Variants in RECK observed in about 807,000 individuals in gnomAD.
RECK encodes reversion inducing cysteine rich protein with kazal motifs.
RECK carries 69 observed loss-of-function variants against 115.1 expected under a neutral mutation model. The observed-to-expected ratio is 0.60, with a 90% CI of 0.49 to 0.73. RECK has a LOEUF of 0.73. Among genes scored for constraint, RECK ranks in the 30% least tolerant of loss-of-function variants. The pLI, the probability that RECK is intolerant of heterozygous loss-of-function variation, is 0.00. For missense variants in RECK, 1,047 were observed against 1,203.7 expected (o/e 0.87, Z 1.93); for synonymous variants, 414 against 419.7 (o/e 0.99, Z 0.17).
At chr9:36,039,772 G>A (rs1310975236) in intron 1 of RECK, among the ~76,000 whole-genome samples, 1 of 152,196 alleles carries the variant, frequency 6.6e-6, no homozygotes, top group African/African-American at 2.4e-5. Flanking sequence ...AGAAAGTAAT[G>A]AATTTTAAGT....
At chr9:36,096,923 T>TACACACAC (rs3070850) in intron 10 of RECK, among the ~76,000 whole-genome samples, 52 of 150,502 alleles carry the variant, frequency 3.5e-4, no homozygotes, top group Admixed American at 1.2e-3. Flanking sequence ...GGTGTGTGCA[T>TACACACAC]ACACACACAC....
In RECK at chr9:36,108,122, A is replaced by G. The variant is rs1351828126; in HGVS notation, c.1723A>G (p.Ile575Val). 19 of 1,609,072 alleles carry G rather than the reference A, an allele frequency of 1.2e-5. No individual in the cohort carries two copies. The highest frequency in any genetic ancestry group is 1.6e-5 in the Non-Finnish European group (19 of 1,178,776). ...AGAAAACTGTATGGAAATGCACTGT[A>G]TAGACCTCCAGAAGTCTTGTATTGT... ...LLENCMEMHC[I>V]DLQKSCIVGG... Residue 575 changes from isoleucine (I) to valine (V), a missense_variant, in exon 14 of 21, where the codon ATA becomes GTA. Transcript: ENST00000377966.
chr9:36,044,461 C>T (rs1216258978), intron 1 of RECK, among the ~76,000 whole-genome samples: 1 of 152,028 alleles, frequency 6.6e-6, no homozygotes, highest in East Asian at 1.9e-4. Context: ...ATTTGGATGC[C>T]CTTGATTTCT....
chr9:36,085,862 G>A (rs1183362881), intron 8 of RECK: 1 of 152,070 alleles, frequency 6.6e-6, no homozygotes, highest in African/African-American at 2.4e-5. Context: ...CAAAATCAGA[G>A]GATGAAGCAT....
intron 6 of RECK, among the ~76,000 whole-genome samples, chr9:36,069,832 C>T (rs1245467759): frequency 6.6e-6 from 1 of 152,140 alleles, no homozygotes; most frequent in Non-Finnish European, 1.5e-5. Context: ...AGACAGACAT[C>T]ATAGCCAAAG....
At chr9:36,109,894 G>T in intron 14 of RECK, 63 bp from the exon 15 acceptor site, 7 of 1,369,828 alleles carry the variant, frequency 5.1e-6, no homozygotes, top group Non-Finnish European at 7.1e-6. Flanking sequence ...TATTAAAATT[G>T]TAATACGTGC....
intron 1 of RECK, among the ~76,000 whole-genome samples, chr9:36,040,380 G>A (rs1820828000): frequency 6.6e-6 from 1 of 152,122 alleles, no homozygotes; most frequent in Non-Finnish European, 1.5e-5. Flanking sequence ...GTGGTGGGTA[G>A]TCTTATGAAA....
At chr9:36,105,029 C>T in intron 12 of RECK, 114 bp from the exon 13 acceptor site, 2 of 762,792 alleles carry the variant, frequency 2.6e-6, no homozygotes. Context: ...AGAATCAGGC[C>T]TTACTTTACA....
chr9:36,090,633 A>G (rs10972719), intron 9 of RECK, among the ~76,000 whole-genome samples: 8,951 of 152,248 alleles, frequency 0.059, 414 homozygotes, highest in South Asian at 0.18. Flanking sequence ...GTGTATTACA[A>G]TAGTACATAG....
intron 6 of RECK, among the ~76,000 whole-genome samples, chr9:36,079,536 A>G (rs952392434): frequency 2.6e-5 from 4 of 152,210 alleles, no homozygotes; most frequent in East Asian, 1.9e-4. Context: ...AATATTATTT[A>G]GCAGAGAAAA....
At chr9:36,101,463 A>G (rs1283798434) in intron 11 of RECK, among the ~76,000 whole-genome samples, 2 of 152,204 alleles carry the variant, frequency 1.3e-5, no homozygotes, top group South Asian at 2.1e-4. Context: ...TGGATACCTT[A>G]ATAATTTCAA....
chr9:36,112,264 A>C, intron 15 of RECK, 41 bp from the exon 16 acceptor site: 1 of 1,595,490 alleles, frequency 6.3e-7, no homozygotes, highest in Non-Finnish European at 8.6e-7. Flanking sequence ...GGGAGGGGGA[A>C]TATACACATA....
intron 15 of RECK, among the ~76,000 whole-genome samples, chr9:36,110,563 C>A (rs1376014641): frequency 6.6e-6 from 1 of 152,058 alleles, no homozygotes; most frequent in Non-Finnish European, 1.5e-5. Flanking sequence ...ATTCTTACAC[C>A]AACATAAATA....
At chr9:36,048,279 C>T (rs1181208038) in intron 1 of RECK, among the ~76,000 whole-genome samples, 1 of 151,664 alleles carries the variant, frequency 6.6e-6, no homozygotes, top group African/African-American at 2.4e-5. Context: ...CCAACTCTAT[C>T]CTCTTTTCAG....
intron 1 of RECK, among the ~76,000 whole-genome samples, chr9:36,040,122 G>A (rs147065941): frequency 6.6e-6 from 1 of 152,202 alleles, no homozygotes; most frequent in Non-Finnish European, 1.5e-5. Flanking sequence ...TATACGTCAG[G>A]CACTGTTCTA....
At chr9:36,073,407 C>G (rs1822325261) in intron 6 of RECK, among the ~76,000 whole-genome samples, 2 of 152,132 alleles carry the variant, frequency 1.3e-5, no homozygotes, top group Non-Finnish European at 2.9e-5. Context: ...CTCATCACCT[C>G]CTGCAAATTA....
chr9:36,121,362 A>T (rs1299374646), intron 19 of RECK, among the ~76,000 whole-genome samples, 171 bp from the exon 20 acceptor site: 1 of 152,154 alleles, frequency 6.6e-6, no homozygotes, highest in Non-Finnish European at 1.5e-5. Context: ...GCAAAACCCC[A>T]TTGTGATGGA....
rs1014461372 is a variant in RECK, at chr9:36,037,059, G to A, written c.61G>A (p.Val21Ile). The change falls in exon 1 of 21, where the codon GTC becomes ATC. Residue 21 changes from valine (V) to isoleucine (I), a missense_variant. Physicochemically the swap from Val to Ile is conservative, Grantham distance 29. Transcript: ENST00000377966. The stretch of plus-strand genomic sequence containing the variant: ...GCTCCTTCTGCTGGCCGTGGCGGGG[G>A]TCGCGGAGGTGGCAGGGGGCCTGGC... ...ALLLLLAVAGVAEVAGGLAPG... is the reference protein window; with the variant it reads ...ALLLLLAVAGIAEVAGGLAPG... 3 of 1,395,888 alleles carry A rather than the reference G, an allele frequency of 2.1e-6. No homozygotes were observed. The highest frequency in any genetic ancestry group is 9.3e-7 in the Non-Finnish European group (1 of 1,069,740). 86.5% of individuals were successfully genotyped at this position (1,395,888 alleles called of 1,614,324 possible). A position where few individuals can be genotyped will look rare whatever the true frequency, so the allele number is the denominator to read the frequency against.
chr9:36,090,967 G>GGA (rs1823133894), intron 9 of RECK, among the ~76,000 whole-genome samples, 197 bp from the exon 10 acceptor site: 1 of 152,178 alleles, frequency 6.6e-6, no homozygotes, highest in Non-Finnish European at 1.5e-5. Context: ...AAAGGTAGGT[G>GGA]ATAAAAGAAG....
Sources: gnomAD v4.1 joint callset for allele counts (sites outside exome capture counted in the v4.1 genomes callset) on GRCh38, gnomAD v4.1.1 for gene constraint, MANE v1.5 for transcripts, NCBI Gene and HGNC (gene_info 2026-07-23, HGNC 2026-07-21) for gene names.